POLR2B: variants seen among roughly 807,000 people sequenced by gnomAD.
The protein encoded by POLR2B is RNA polymerase II subunit B.
A neutral mutation model predicts 144.6 loss-of-function variants in POLR2B; 57 were observed. That is an observed-to-expected ratio of 0.39 (90% CI 0.32 to 0.49). The LOEUF is 0.49. Ranked by LOEUF, POLR2B falls within the 20% of genes least tolerant of loss-of-function variation. The pLI, the probability that POLR2B is intolerant of heterozygous loss-of-function variation, is 0.83. For missense variants in POLR2B, 595 were observed against 1,467.4 expected, an observed-to-expected ratio of 0.41 and a Z score of 9.71; for synonymous variants, 442 against 469.8, an observed-to-expected ratio of 0.94 and a Z score of 0.77.
intron 7 of POLR2B, among the ~76,000 whole-genome samples, chr4:57,003,688 G>T (rs891175661): frequency 6.6e-5 from 10 of 151,188 alleles, no homozygotes; most frequent in Non-Finnish European, 1.3e-4. Context: ...ACAAAAAAAA[G>T]AAAAATTAGC....
intron 1 of POLR2B, among the ~76,000 whole-genome samples, chr4:56,983,870 C>CT (rs371798004): frequency 1.5e-3 from 216 of 140,000 alleles, no homozygotes; most frequent in African/African-American, 2.1e-3. Flanking sequence ...ATTCATATCA[C>CT]TTTTTTTTTT....
Position 56,986,336 on chromosome 4 carries a change from A to G in POLR2B, c.20-18A>G. The G allele has an allele frequency of 2.0e-6, 3 of 1,522,886 alleles. No individual in the cohort carries two copies. Among genetic ancestry groups the G allele is most frequent in the Non-Finnish European group, 2.7e-6 (3 of 1,096,962 alleles). 94.3% of individuals were successfully genotyped at this position (1,522,886 alleles called of 1,614,324 possible). On this transcript the variant is annotated intron_variant, in intron 1 of 24. Transcript: ENST00000314595. ...TGGCATCTCATTGCAAATGAGTACA[A>G]TATTTTTGTTTTTACAGATATGCAA...
At chr4:56,993,150 C>G (rs371898610) in intron 3 of POLR2B, among the ~76,000 whole-genome samples, 7 of 151,584 alleles carry the variant, frequency 4.6e-5, no homozygotes, top group South Asian at 2.1e-4. Context: ...CCAAAAAATA[C>G]AAAAATTAGC....
chr4:56,980,809 GTTTC>G (rs1445175241), intron 1 of POLR2B, among the ~76,000 whole-genome samples: 1 of 151,328 alleles, frequency 6.6e-6, no homozygotes, highest in East Asian at 1.9e-4. Flanking sequence ...TCACTCCACA[GTTTC>G]TTTTTTTTTT....
chr4:56,994,559 G>T, intron 4 of POLR2B, 43 bp downstream of exon 4: 1 of 1,457,330 alleles, frequency 6.9e-7, no homozygotes, highest in South Asian at 1.1e-5. Flanking sequence ...TACTGAAATA[G>T]AATTTTGAAA....
intron 21 of POLR2B, 34 bp downstream of exon 21, chr4:57,024,146 G>T: frequency 8.9e-7 from 1 of 1,117,532 alleles, no homozygotes. Context: ...TAGATTCTAA[G>T]CTGATGCTTC....
chr4:57,012,365 A>G (rs1489330953), intron 13 of POLR2B, among the ~76,000 whole-genome samples: 1 of 151,992 alleles, frequency 6.6e-6, no homozygotes, highest in Non-Finnish European at 1.5e-5. Context: ...AGATTGCACC[A>G]TTGTACTCCA....
At chr4:57,024,527 T>A (rs1217103199) in intron 21 of POLR2B, among the ~76,000 whole-genome samples, 1 of 152,192 alleles carries the variant, frequency 6.6e-6, no homozygotes, top group Non-Finnish European at 1.5e-5. Flanking sequence ...ATGGCTTGGT[T>A]TTAGGGCATT....
chr4:57,005,560 T>G (rs1722990141), intron 8 of POLR2B, 40 bp from the exon 9 acceptor site: 3 of 1,546,450 alleles, frequency 1.9e-6, no homozygotes, highest in Non-Finnish European at 2.6e-6. Context: ...CAAAACTAAG[T>G]GTTTTCCCTC....
chr4:56,979,122 T>TGTTCCCACACTTACCAGGC, intron 1 of POLR2B, 118 bp downstream of exon 1: 1 of 1,062,174 alleles, frequency 9.4e-7, no homozygotes, highest in South Asian at 1.3e-5. Context: ...TCCCCAGCCT[T>TGTTCCCACACTTACCAGGC]GTTCCCACAC....
At chr4:57,031,142 AATTTTTGTAGATAGTCTTG>A in exon 25 of POLR2B, 1 of 718,726 alleles carries the variant, frequency 1.4e-6, no homozygotes, top group Non-Finnish European at 2.4e-6. Context: ...ATATATAATA[AATTTTTGTAGATAGTCTTG>A]ATGTGTGATC....
chr4:57,017,082 T>C lies in POLR2B; in HGVS notation c.1995T>C (p.Ile665=). 1 of 1,613,142 alleles carries C rather than the reference T, an allele frequency of 6.2e-7. No homozygotes were observed. The highest frequency in any genetic ancestry group is 1.1e-5 in the South Asian group (1 of 91,012). Reference sequence around the variant, plus strand: ...TGGCCAGTGGGGTAGTGGAGTATATTGATACCCTGGAAGAAGAAACAGTGA... The same window carrying C: ...TGGCCAGTGGGGTAGTGGAGTATATCGATACCCTGGAAGAAGAAACAGTGA... ...DLVASGVVEY[I]DTLEEETVML... is the part of the protein sequence containing the mutation. The change falls in exon 15 of 25, where the codon ATT becomes ATC. Residue 665 remains isoleucine (I), a synonymous_variant. Transcript: ENST00000314595. The surrounding 1 kb of genome is among the most constrained non-coding windows in gnomAD (Gnocchi z 4.8).
chr4:57,009,586 T>G (rs1041167314), intron 10 of POLR2B: 2 of 152,070 alleles, frequency 1.3e-5, no homozygotes, highest in Non-Finnish European at 2.9e-5. Flanking sequence ...ACTGTGACAT[T>G]GGGAAGGGAG....
intron 7 of POLR2B, among the ~76,000 whole-genome samples, chr4:57,001,928 A>G (rs1490017456): frequency 6.6e-6 from 1 of 152,236 alleles, no homozygotes; most frequent in African/African-American, 2.4e-5. Flanking sequence ...ACAAAGTTAG[A>G]ACAGGGAGTA....
chr4:57,000,421 C>T (rs917651203), intron 7 of POLR2B, among the ~76,000 whole-genome samples: 1 of 152,144 alleles, frequency 6.6e-6, no homozygotes, highest in Non-Finnish European at 1.5e-5. Context: ...CAGAGTAAGA[C>T]CTTGTCTCAA....
At position 56,987,178 on chromosome 4, in the gene POLR2B, G is replaced by A. The variant is rs1722361067; in HGVS notation, c.92+752G>A. 2.0e-5 allele frequency among the ~76,000 whole-genome samples: 3 copies of A among 152,148 alleles called. No homozygotes were observed. In the South Asian group the frequency reaches 6.2e-4, roughly 32 times the overall value. The stretch of plus-strand genomic sequence containing the variant: ...ACATAGTCTCAGTGCATCATATCAG[G>A]AGGCATGTTTGTTTCATTACTAGTA... On this transcript the variant is annotated intron_variant, in intron 2 of 24. Transcript: ENST00000314595.
At chr4:57,008,585 A>G (rs1166392667) in intron 10 of POLR2B, among the ~76,000 whole-genome samples, 6 of 152,222 alleles carry the variant, frequency 3.9e-5, no homozygotes, top group African/African-American at 1.4e-4. Context: ...GATCTTCAGT[A>G]GTTGACAGTC....
chr4:57,024,034 C>T lies in POLR2B; in HGVS notation c.2886C>T (p.Thr962=), dbSNP rs746365373. 7 of 1,609,036 alleles carry T rather than the reference C, an allele frequency of 4.4e-6. No individual in the cohort carries two copies. The highest frequency in any genetic ancestry group is 1.7e-5 in the Admixed American group (1 of 59,426). ...EDMPFTCEGI[T]PDIIINPHAI... The stretch of plus-strand genomic sequence containing the variant: ...TGCCTTTCACCTGTGAAGGTATCAC[C>T]CCTGATATCATCATCAATCCCCATG... The change falls in exon 21 of 25, where the codon ACC becomes ACT. Residue 962 remains threonine, a synonymous_variant. Transcript: ENST00000314595.
At position 57,024,021 on chromosome 4, in the gene POLR2B, G is replaced by T. The variant is rs1433190001; in HGVS notation, c.2873G>T (p.Cys958Phe). The change falls in exon 21 of 25, where the codon TGT becomes TTT. Residue 958 changes from cysteine (C) to phenylalanine (F), a missense_variant. Around this residue, in one of 9 missense-constraint regions of POLR2B, gnomAD observed 65 missense variants for 282.8 expected, o/e 0.23. Coordinates refer to ENST00000314595, the MANE Select transcript of POLR2B (RefSeq NM_000938.3). ...QYRQEDMPFT[C>F]EGITPDIIIN... ...TCTTTGTAGGATATGCCTTTCACCT[G>T]TGAAGGTATCACCCCTGATATCATC... is the stretch of plus-strand genomic sequence containing the variant. The T allele has an allele frequency of 6.3e-7, 1 of 1,593,878 alleles. No homozygotes were observed. Among genetic ancestry groups the T allele is most frequent in the Non-Finnish European group, 8.5e-7 (1 of 1,170,052 alleles).
Sources: allele counts gnomAD v4.1 joint callset (sites outside exome capture counted in the v4.1 genomes callset), GRCh38; gene constraint gnomAD v4.1.1; regional missense constraint gnomAD v4.1.1; non-coding constraint Gnocchi (gnomAD v3.1); transcripts MANE v1.5; gene names NCBI Gene and HGNC (gene_info 2026-07-23, HGNC 2026-07-21).